The following LAMC1 variants were observed in gnomAD, a reference collection of about 807,000 sequenced individuals.
The protein encoded by LAMC1 is laminin subunit gamma 1.
Under a neutral mutation model 173.6 loss-of-function variants are expected in LAMC1, and 38 were observed. That is an observed-to-expected ratio of 0.22 (90% CI 0.17 to 0.29). The LOEUF is 0.29. Ranked by LOEUF, LAMC1 falls within the 10% of genes least tolerant of loss-of-function variation. The pLI is 1.00. For missense variants in LAMC1, 1,824 were observed against 2,051.8 expected (o/e 0.89, Z 2.14); for synonymous variants, 746 against 749.1 (o/e 1.00, Z 0.07).
chr1:183,097,824 A>G (rs752597370), intron 1 of LAMC1, among the ~76,000 whole-genome samples: 9 of 152,158 alleles, frequency 5.9e-5, no homozygotes, highest in Non-Finnish European at 1.3e-4. Flanking sequence ...GCTTCATTCT[A>G]AACATCTGCC....
intron 2 of LAMC1, among the ~76,000 whole-genome samples, chr1:183,107,727 G>C (rs1036848324): frequency 7.9e-5 from 12 of 152,146 alleles, no homozygotes; most frequent in African/African-American, 2.9e-4. Context: ...CTACTCGGGA[G>C]GCTGAGGCAG....
Position 183,023,567 on chromosome 1 carries a change from C to G in LAMC1, c.-150C>G, listed in dbSNP as rs558060579. 6.6e-5 allele frequency: 30 copies of G among 452,080 alleles called. 1 individual carries two copies. In the South Asian group the frequency reaches 2.4e-3, roughly 36 times the overall value. The allele number at this position is 452,080 out of a possible 1,614,324, so 28.0% of individuals were successfully genotyped here. On this transcript the variant is annotated 5_prime_UTR_variant, in exon 1 of 28. Coordinates refer to ENST00000258341, the MANE Select transcript of LAMC1 (RefSeq NM_002293.4). The stretch of plus-strand genomic sequence containing the variant: ...TAGGGGCGCCCACCCGTCAGTCTCT[C>G]CGGCGCGAGCCGCCGCCACCGCCCG...
chr1:183,117,544 G>A lies in LAMC1; in HGVS notation c.1698G>A (p.Leu566=). 6.2e-7 allele frequency: 1 copy of A among 1,613,866 alleles called. No homozygotes were observed. Among genetic ancestry groups the A allele is most frequent in the Non-Finnish European group, 8.5e-7 (1 of 1,179,836 alleles). The stretch of plus-strand genomic sequence containing the variant: ...GTGTCTGTATTCCAGCAAAGTTCTT[G>A]GGCAAGCAGGTGTTGAGTTATGGTC... The part of the protein sequence containing the change: ...PRYFIAPAKF[L]GKQVLSYGQN... Residue 566 remains leucine, a synonymous_variant, in exon 10 of 28, where the codon TTG becomes TTA. Transcript: ENST00000258341.
rs1657165873 is a variant in LAMC1, at chr1:183,143,279, C to T, written c.*489C>T. The stretch of plus-strand genomic sequence containing the variant: ...AAGAAAATGCATCTGCATCTCCTAC[C>T]CCTCTTCCTTCTAAGCAAAAGGAAA... On this transcript the variant is annotated 3_prime_UTR_variant, in exon 28 of 28. Coordinates refer to ENST00000258341, the MANE Select transcript of LAMC1 (RefSeq NM_002293.4). 6.4e-6 allele frequency: 1 copy of T among 156,494 alleles called. No individual in the cohort carries two copies. The highest frequency in any genetic ancestry group is 2.4e-5 in the African/African-American group (1 of 41,446). The allele number at this position is 156,494 out of a possible 1,614,324, so 9.7% of individuals were successfully genotyped here.
At chr1:183,078,287 T>C (rs915025147) in intron 1 of LAMC1, among the ~76,000 whole-genome samples, 2 of 152,108 alleles carry the variant, frequency 1.3e-5, no homozygotes, top group Non-Finnish European at 2.9e-5. Flanking sequence ...AACTAAACCT[T>C]TAACAGATGA....
intron 1 of LAMC1, among the ~76,000 whole-genome samples, chr1:183,061,068 C>G (rs1654734708): frequency 2.0e-5 from 3 of 152,056 alleles, no homozygotes; most frequent in Non-Finnish European, 2.9e-5. Context: ...TGTAGCAATC[C>G]AGATGTGAGT....
At position 183,142,822 on chromosome 1, in the gene LAMC1, G is replaced by C; in HGVS notation, c.*32G>C. 2 of 1,576,118 alleles carry C rather than the reference G, an allele frequency of 1.3e-6. No homozygotes were observed. Among genetic ancestry groups the C allele is most frequent in the Non-Finnish European group, 1.7e-6 (2 of 1,162,466 alleles). ...TAGGGCTGGAAGGCAGCATCCCTCT[G>C]ACAGGGGGGCAGTTGTGAGGCCACA... is the stretch of plus-strand genomic sequence containing the variant. On this transcript the variant is annotated 3_prime_UTR_variant, in exon 28 of 28. Transcript: ENST00000258341.
chr1:183,031,013 G>A (rs12037623), intron 1 of LAMC1, among the ~76,000 whole-genome samples: 75,737 of 151,898 alleles, frequency 0.5, 19,584 homozygotes, highest in South Asian at 0.64. Flanking sequence ...TAAATAAAAT[G>A]TATATATTCA....
At chr1:183,029,462 TA>T (rs1653789716) in intron 1 of LAMC1, among the ~76,000 whole-genome samples, 1 of 152,214 alleles carries the variant, frequency 6.6e-6, no homozygotes, top group Non-Finnish European at 1.5e-5. Flanking sequence ...ATTTTGCAGC[TA>T]AAAATTCTGC....
Position 183,114,652 on chromosome 1 carries a change from G to A in LAMC1, c.1143G>A (p.Arg381=), listed in dbSNP as rs547245013. The A allele has an allele frequency of 2.5e-5, 40 of 1,614,176 alleles. No individual in the cohort carries two copies. Among genetic ancestry groups the A allele is most frequent in the African/African-American group, 2.3e-4 (17 of 75,044 alleles). ...QDNTDGAHCE[R]CRENFFRLGN... ...ACACAGATGGCGCCCACTGTGAGAGGTGCCGAGAGAACTTCTTCCGCCTTG... is the reference window on the plus strand; with the variant it reads ...ACACAGATGGCGCCCACTGTGAGAGATGCCGAGAGAACTTCTTCCGCCTTG... The change falls in exon 5 of 28, where the codon AGG becomes AGA. Residue 381 remains arginine (R), a synonymous_variant. Coordinates refer to ENST00000258341, the MANE Select transcript of LAMC1 (RefSeq NM_002293.4).
intron 1 of LAMC1, among the ~76,000 whole-genome samples, chr1:183,076,416 A>G (rs1462220943): frequency 1.3e-5 from 2 of 152,180 alleles, no homozygotes; most frequent in Non-Finnish European, 2.9e-5. Flanking sequence ...GGGATTTTTG[A>G]TGAAAAATGA....
At chr1:183,137,035 T>G (rs1256658374) in intron 25 of LAMC1, among the ~76,000 whole-genome samples, 1 of 152,234 alleles carries the variant, frequency 6.6e-6, no homozygotes, top group Non-Finnish European at 1.5e-5. Flanking sequence ...ATTGCTAGGA[T>G]TCTTTGAAGT....
chr1:183,140,309 A>C, intron 26 of LAMC1, 95 bp from the exon 27 acceptor site: 1 of 568,680 alleles, frequency 1.8e-6, no homozygotes, highest in East Asian at 4.1e-5. Context: ...AGGGAAGAAA[A>C]TCTGGAAATT....
chr1:183,034,977 A>G (rs1653943353), intron 1 of LAMC1, among the ~76,000 whole-genome samples: 1 of 152,194 alleles, frequency 6.6e-6, no homozygotes, highest in Non-Finnish European at 1.5e-5. Context: ...GCTGTGGTAC[A>G]TAGATTATGT....
chr1:183,081,457 G>C (rs530495159), intron 1 of LAMC1, among the ~76,000 whole-genome samples: 2 of 151,660 alleles, frequency 1.3e-5, no homozygotes, highest in East Asian at 3.9e-4. Context: ...AATTAGCTGG[G>C]CATGGTGGCA....
intron 1 of LAMC1, among the ~76,000 whole-genome samples, chr1:183,082,169 C>G (rs1406464284): frequency 6.6e-6 from 1 of 152,138 alleles, no homozygotes; most frequent in Non-Finnish European, 1.5e-5. Flanking sequence ...CAAGTTTTGT[C>G]AATTGTGAAT....
At chr1:183,070,880 G>A (rs955823086) in intron 1 of LAMC1, among the ~76,000 whole-genome samples, 4 of 152,116 alleles carry the variant, frequency 2.6e-5, no homozygotes, top group African/African-American at 9.7e-5. Flanking sequence ...TCCTACAGAC[G>A]ATGGTTGGTT....
intron 1 of LAMC1, among the ~76,000 whole-genome samples, chr1:183,060,608 C>T (rs183517880): frequency 1.8e-4 from 27 of 152,296 alleles, no homozygotes; most frequent in Admixed American, 1.0e-3. Context: ...TGTGTCCTAA[C>T]GATTTGTTTA....
chr1:183,117,225 A>G, intron 8 of LAMC1, 95 bp from the exon 9 acceptor site: 1 of 1,345,214 alleles, frequency 7.4e-7, no homozygotes, highest in South Asian at 1.4e-5. Context: ...TTCTGTATAC[A>G]AGGTGTGGTC....
Sources: allele counts gnomAD v4.1 joint callset (sites outside exome capture counted in the v4.1 genomes callset), GRCh38; gene constraint gnomAD v4.1.1; transcripts MANE v1.5; gene names NCBI Gene and HGNC (gene_info 2026-07-23, HGNC 2026-07-21).